The following UPRT variants were observed in gnomAD, a reference collection of about 807,000 sequenced individuals.
UPRT encodes uracil phosphoribosyltransferase homolog.
UPRT carries 5 observed loss-of-function variants against 22.6 expected under a neutral mutation model. The observed-to-expected ratio is 0.22, with a 90% CI of 0.12 to 0.47. The LOEUF is 0.47. Ranked by LOEUF, UPRT falls within the 20% of genes least tolerant of loss-of-function variation. The probability of loss-of-function intolerance (pLI) is 0.99; values close to 1 mark genes in which losing one functional copy is unlikely to be tolerated. For synonymous variants in UPRT, 77 were observed against 87.7 expected (o/e 0.88, Z 0.68); for missense variants, 181 against 239.9 (o/e 0.75, Z 1.62).
chrX:75,180,225 C>T (rs1178683357), intron 4 of UPRT, among the ~76,000 whole-genome samples: 1 of 112,345 alleles, frequency 8.9e-6, no homozygotes, highest in Non-Finnish European at 1.9e-5. Flanking sequence ...TTCCCAGTTC[C>T]TCTGTCAGCC....
At chrX:75,294,999 T>C (rs756682145) in intron 2 of UPRT, among the ~76,000 whole-genome samples, 1 of 111,136 alleles carries the variant, frequency 9.0e-6, no homozygotes, top group South Asian at 3.8e-4. Context: ...ATGATTTGGA[T>C]CTCTCTCTGT....
intron 4 of UPRT, among the ~76,000 whole-genome samples, chrX:75,177,773 C>CA (rs768193398): frequency 2.7e-5 from 3 of 111,853 alleles, no homozygotes; most frequent in Non-Finnish European, 5.6e-5. Flanking sequence ...GGGCTTTGGG[C>CA]AAAAATTATG....
chrX:75,209,377 TTTTC>T (rs1194270835), intron 4 of UPRT, among the ~76,000 whole-genome samples: 4 of 110,573 alleles, frequency 3.6e-5, no homozygotes, highest in African/African-American at 6.6e-5. Context: ...TTGTTTCTTT[TTTTC>T]TTTTTTTTTG....
At chrX:75,206,815 C>T (rs191666354) in intron 4 of UPRT, among the ~76,000 whole-genome samples, 1 of 111,281 alleles carries the variant, frequency 9.0e-6, no homozygotes, top group East Asian at 2.8e-4. Context: ...CAGGTGCCCA[C>T]CACCATGCCT....
intron 3 of UPRT, among the ~76,000 whole-genome samples, chrX:75,297,277 C>T (rs1187757780): frequency 4.5e-5 from 5 of 111,609 alleles, no homozygotes; most frequent in Non-Finnish European, 9.4e-5. Context: ...GTCTGCCTCT[C>T]CCAATTATCC....
At chrX:75,158,710 C>CCT (rs2082190645) in intron 1 of UPRT, among the ~76,000 whole-genome samples, 1 of 111,931 alleles carries the variant, frequency 8.9e-6, no homozygotes, top group Admixed American at 9.5e-5. Flanking sequence ...ATTCTCACCT[C>CCT]AGGACCTTTC....
At chrX:75,162,106 C>CTTTTTTTTTTTT (rs5902736) in intron 2 of UPRT, among the ~76,000 whole-genome samples, 8 of 78,925 alleles carry the variant, frequency 1.0e-4, no homozygotes, top group East Asian at 3.9e-4. Flanking sequence ...TCTTTCTTTT[C>CTTTTTTTTTTTT]TTTTTTTTTT....
At chrX:75,203,010 G>T (rs1211192519) in intron 4 of UPRT, among the ~76,000 whole-genome samples, 3 of 111,634 alleles carry the variant, frequency 2.7e-5, no homozygotes. Context: ...TGGCAAACTG[G>T]ATAAAAAGTC....
At chrX:75,298,333 T>C (rs952631378) in intron 4 of UPRT, among the ~76,000 whole-genome samples, 3 of 110,350 alleles carry the variant, frequency 2.7e-5, no homozygotes, top group Non-Finnish European at 5.7e-5. Flanking sequence ...CGTGACCACA[T>C]AGGCAAAAGT....
At chrX:75,272,323 T>C (rs1356964143), upstream of UPRT, among the ~76,000 whole-genome samples, 9 of 94,491 alleles carry the variant, frequency 9.5e-5, no homozygotes, top group South Asian at 5.0e-4. Flanking sequence ...TATATATACA[T>C]ATATATGTAT....
chrX:75,294,115 T>C (rs1157044037), intron 2 of UPRT, among the ~76,000 whole-genome samples: 1 of 110,782 alleles, frequency 9.0e-6, no homozygotes, highest in Admixed American at 9.7e-5. Context: ...TGTTTTCTTC[T>C]TGTGTTAATA....
intron 4 of UPRT, among the ~76,000 whole-genome samples, chrX:75,173,632 G>C (rs2082237068): frequency 8.9e-6 from 1 of 112,767 alleles, no homozygotes; most frequent in African/African-American, 3.2e-5. Context: ...ATGGGACTGG[G>C]TGCCATGGAG....
intron 4 of UPRT, among the ~76,000 whole-genome samples, chrX:75,218,194 A>G (rs28893205): frequency 0.029 from 3,274 of 111,176 alleles, 138 homozygotes; most frequent in African/African-American, 0.1. Flanking sequence ...TTTACAAGAA[A>G]AAAACAAACA....
Position 75,274,152 on chromosome X carries a change from G to C in UPRT, c.-103G>C, listed in dbSNP as rs2082620767. The C allele has an allele frequency of 3.6e-6, 4 of 1,096,134 alleles. No individual in the cohort carries two copies. Among genetic ancestry groups the C allele is most frequent in the Middle Eastern group, 3.6e-4 (1 of 2,757 alleles). The allele number at this position is 1,096,134 out of a possible 1,213,427, so 90.3% of individuals were successfully genotyped here. ...GACAGCCAGGGTTAGATGTTCTGAG[G>C]AGGCGGGAGCAACCGAGAGAGCACG... is the stretch of plus-strand genomic sequence containing the variant. On this transcript the variant is annotated 5_prime_UTR_variant, in exon 1 of 7. Coordinates refer to ENST00000373383, the MANE Select transcript of UPRT (RefSeq NM_145052.4).
At chrX:75,187,592 C>A (rs776952431) in intron 4 of UPRT, among the ~76,000 whole-genome samples, 1 of 111,986 alleles carries the variant, frequency 8.9e-6, no homozygotes, top group Non-Finnish European at 1.9e-5. Context: ...TGGGGAAGTT[C>A]TCCCGAATAA....
intron 2 of UPRT, among the ~76,000 whole-genome samples, chrX:75,293,870 G>A (rs2082716742): frequency 9.0e-6 from 1 of 111,424 alleles, no homozygotes; most frequent in African/African-American, 3.3e-5. Context: ...TTACACTTGT[G>A]GTATCCAACG....
rs79779991 is a variant in UPRT at position 75,177,301 on chromosome X, A to G, written c.-447+9422A>G. 1.5e-3 allele frequency among the ~76,000 whole-genome samples: 132 copies of G among 90,167 alleles called. 29 individuals carry two copies. In the East Asian group the frequency reaches 0.27, roughly 181 times the overall value. The allele number at this position is 90,167 out of a possible 115,157, so 78.3% of individuals were successfully genotyped here. A position where few individuals can be genotyped will look rare whatever the true frequency, so the allele number is the denominator to read the frequency against. On this transcript the variant is annotated intron_variant, in intron 4 of 13. Coordinates refer to the UPRT transcript ENST00000652605. Reference sequence around the variant, plus strand: ...GGACCCTGCTGATCGGAATAGTTGCACTTACCGACGCAGCAGCAGAAACGC... The same window carrying G: ...GGACCCTGCTGATCGGAATAGTTGCGCTTACCGACGCAGCAGCAGAAACGC...
At chrX:75,169,750 G>T (rs1024721183) in intron 4 of UPRT, among the ~76,000 whole-genome samples, 1 of 111,899 alleles carries the variant, frequency 8.9e-6, no homozygotes, top group Admixed American at 9.5e-5. Context: ...ATACTCTGTG[G>T]TTGTTAGATA....
chrX:75,269,547 C>G (rs757086515), upstream of UPRT, among the ~76,000 whole-genome samples: 2 of 111,477 alleles, frequency 1.8e-5, no homozygotes, highest in African/African-American at 3.3e-5. Context: ...GTACTGGTAC[C>G]AAAACAGATA....
Sources: gnomAD v4.1 joint callset for allele counts (sites outside exome capture counted in the v4.1 genomes callset) on GRCh38, gnomAD v4.1.1 for gene constraint, MANE v1.5 for transcripts, NCBI Gene and HGNC (gene_info 2026-07-23, HGNC 2026-07-21) for gene names.